Variants in RHOG observed in about 807,000 individuals in gnomAD.
The protein encoded by RHOG is ras homolog family member G, also known as rho-related GTP-binding protein RhoG.
RHOG carries 1 observed loss-of-function variant against 12.3 expected under a neutral mutation model. That is an observed-to-expected ratio of 0.08 (90% CI 0.03 to 0.39). The LOEUF is 0.39. RHOG is among the 10% of genes least tolerant of loss of function. RHOG has a pLI of 0.99. For missense variants in RHOG, 114 were observed against 266.2 expected (o/e 0.43, Z 3.98); for synonymous variants, 129 against 116.0 (o/e 1.11, Z -0.72).
At chr11:3,831,413 A>AGTGTGT (rs57646737) in intron 1 of RHOG, among the ~76,000 whole-genome samples, 2,030 of 151,584 alleles carry the variant, frequency 0.013, 62 homozygotes, top group African/African-American at 0.047. Context: ...AATGAGAGAG[A>AGTGTGT]GTGTGTGTGT....
At chr11:3,834,788 G>A (rs533760403) in intron 1 of RHOG, among the ~76,000 whole-genome samples, 212 of 152,292 alleles carry the variant, frequency 1.4e-3, no homozygotes, top group Non-Finnish European at 2.3e-3. Flanking sequence ...TGGGGGAGGG[G>A]AGGAACGGAC....
chr11:3,838,201 A>T (rs1025878384), intron 1 of RHOG, among the ~76,000 whole-genome samples: 8 of 152,230 alleles, frequency 5.3e-5, no homozygotes. Flanking sequence ...CTTCAGCGGC[A>T]GCCTCCTAGG....
intron 1 of RHOG, among the ~76,000 whole-genome samples, chr11:3,828,832 G>C (rs559996219): frequency 2.6e-5 from 4 of 151,714 alleles, no homozygotes; most frequent in East Asian, 3.9e-4. Flanking sequence ...GTGTTGGCCA[G>C]GATGGTCTCG....
At chr11:3,829,597 A>C (rs1350363691) in intron 1 of RHOG, among the ~76,000 whole-genome samples, 2 of 151,850 alleles carry the variant, frequency 1.3e-5, no homozygotes, top group African/African-American at 4.8e-5. Flanking sequence ...GGCCATGTAC[A>C]CTCAGATTGC....
intron 1 of RHOG, among the ~76,000 whole-genome samples, chr11:3,835,449 G>A (rs2090150869): frequency 2.6e-5 from 4 of 152,086 alleles, no homozygotes; most frequent in South Asian, 4.1e-4. Flanking sequence ...AGGGTAGTCT[G>A]ACCTTCTGTT....
In RHOG at chr11:3,827,158, G is replaced by A. The variant is rs934486150; in HGVS notation, c.*405C>T. Reference sequence around the variant, plus strand: ...AGAAGGGAGAGAGCATCTTGGGGGCGCAATTCCAAGAGCAGCGAGGGCAGA... The same window carrying A: ...AGAAGGGAGAGAGCATCTTGGGGGCACAATTCCAAGAGCAGCGAGGGCAGA... On this transcript the variant is annotated 3_prime_UTR_variant, in exon 2 of 2. Coordinates refer to ENST00000351018, the MANE Select transcript of RHOG (RefSeq NM_001665.4). This position sits in a 1 kb window ranked among gnomAD's most constrained non-coding sequence, Gnocchi z 7.3. The A allele has an allele frequency of 3.5e-5, 7 of 202,780 alleles. No individual in the cohort carries two copies. Among genetic ancestry groups the A allele is most frequent in the Admixed American group, 2.1e-4 (4 of 19,026 alleles). 12.6% of individuals were successfully genotyped at this position (202,780 alleles called of 1,614,324 possible). A position where few individuals can be genotyped will look rare whatever the true frequency, so the allele number is the denominator to read the frequency against.
chr11:3,827,761 T>C lies in RHOG; in HGVS notation c.378A>G (p.Leu126=), dbSNP rs372329042. 27 of 1,613,750 alleles carry C rather than the reference T, an allele frequency of 1.7e-5. No homozygotes were observed. Among genetic ancestry groups the C allele is most frequent in the African/African-American group, 1.3e-4 (10 of 74,936 alleles). The change falls in exon 2 of 2, where the codon CTA becomes CTG. Residue 126 remains leucine, a synonymous_variant. Transcript: ENST00000351018. This position sits in a 1 kb window ranked among gnomAD's most constrained non-coding sequence, Gnocchi z 7.3. The stretch of plus-strand genomic sequence containing the variant: ...CCTGGCCCTGCTCCTTGAGGCGCCG[T>C]AGGGTGTCAGGCTGGGCTCTCAGGT... ...KKDLRAQPDT[L]RRLKEQGQAP... is the part of the protein sequence containing the mutation.
In RHOG at chr11:3,828,109, A is replaced by G. The variant is rs766457887; in HGVS notation, c.30T>C (p.Gly10=). The G allele has an allele frequency of 6.2e-7, 1 of 1,613,696 alleles. No homozygotes were observed. The highest frequency in any genetic ancestry group is 8.5e-7 in the Non-Finnish European group (1 of 1,179,720). Residue 10 remains glycine, a synonymous_variant, in exon 2 of 2, where the codon GGT becomes GGC. Coordinates refer to ENST00000351018, the MANE Select transcript of RHOG (RefSeq NM_001665.4). MQSIKCVVV[G]DGAVGKTCLL... is the part of the protein sequence containing the mutation. ...GGCACGTCTTGCCCACAGCCCCATC[A>G]CCCACCACCACGCACTTGATGCTCT... is the stretch of plus-strand genomic sequence containing the variant.
intron 1 of RHOG, among the ~76,000 whole-genome samples, chr11:3,833,289 TTTTG>T (rs969640370): frequency 1.3e-5 from 2 of 152,200 alleles, no homozygotes; most frequent in African/African-American, 2.4e-5. Flanking sequence ...TAATGCATCT[TTTTG>T]TTTGTTTGTA....
chr11:3,834,920 T>C (rs1185373683), intron 1 of RHOG, among the ~76,000 whole-genome samples: 2 of 152,124 alleles, frequency 1.3e-5, no homozygotes, highest in African/African-American at 4.8e-5. Context: ...CTACAATCCA[T>C]CTCTGGCCAT....
At chr11:3,840,684 G>C (rs1279846836) in intron 1 of RHOG, 1 of 152,472 alleles carries the variant, frequency 6.6e-6, no homozygotes, top group Non-Finnish European at 1.5e-5. Context: ...CAGCCGCCGG[G>C]AAGCCACCCT....
chr11:3,836,142 C>A (rs1325714631), intron 1 of RHOG, among the ~76,000 whole-genome samples: 1 of 151,474 alleles, frequency 6.6e-6, no homozygotes, highest in Non-Finnish European at 1.5e-5. Context: ...CACTTGAGAT[C>A]AGGAGTTCGA....
chr11:3,838,037 C>T (rs891101478), intron 1 of RHOG, among the ~76,000 whole-genome samples: 3 of 152,168 alleles, frequency 2.0e-5, no homozygotes, highest in Non-Finnish European at 4.4e-5. Flanking sequence ...GGGAGGTGGC[C>T]CAGGCTTTGT....
At chr11:3,834,766 C>G (rs1221945045) in intron 1 of RHOG, among the ~76,000 whole-genome samples, 2 of 152,112 alleles carry the variant, frequency 1.3e-5, no homozygotes, top group African/African-American at 4.8e-5. Context: ...GGGGAAGTGT[C>G]CCAACTGGGA....
intron 1 of RHOG, among the ~76,000 whole-genome samples, chr11:3,839,753 A>G (rs2090179770): frequency 6.6e-6 from 1 of 152,098 alleles, no homozygotes; most frequent in South Asian, 2.1e-4. Context: ...AAAGCTGGAG[A>G]TAAGTGGGTG....
chr11:3,833,541 G>A (rs1473214277), intron 1 of RHOG, among the ~76,000 whole-genome samples: 1 of 152,168 alleles, frequency 6.6e-6, no homozygotes, highest in Non-Finnish European at 1.5e-5. Context: ...AGGGATATTA[G>A]AGTTACGTAG....
At chr11:3,837,598 G>C (rs2090165225) in intron 1 of RHOG, among the ~76,000 whole-genome samples, 1 of 152,180 alleles carries the variant, frequency 6.6e-6, no homozygotes, top group Non-Finnish European at 1.5e-5. Context: ...CTAAAATAGA[G>C]CCAAGAGAAA....
In RHOG at chr11:3,827,727, T is replaced by C. The variant is rs1376645517; in HGVS notation, c.412A>G (p.Thr138Ala). The change falls in exon 2 of 2, where the codon ACA becomes GCA. Residue 138 changes from threonine to alanine, a missense_variant. This residue lies in a region of RHOG where 61 missense variants were observed against 101.4 expected (regional missense o/e 0.60). Transcript: ENST00000351018. This position sits in a 1 kb window ranked among gnomAD's most constrained non-coding sequence, Gnocchi z 7.3. ...RLKEQGQAPITPQQGQALAKQ... is the reference protein window; with the variant it reads ...RLKEQGQAPIAPQQGQALAKQ... ...GCCAGTGCCTGGCCCTGCTGCGGTG[T>C]GATGGGCGCCTGGCCCTGCTCCTTG... is the stretch of plus-strand genomic sequence containing the variant. 1 of 1,614,084 alleles carries C rather than the reference T, an allele frequency of 6.2e-7. No homozygotes were observed.
At chr11:3,830,372 A>C (rs771330913) in intron 1 of RHOG, among the ~76,000 whole-genome samples, 8 of 152,134 alleles carry the variant, frequency 5.3e-5, no homozygotes, top group Non-Finnish European at 1.2e-4. Context: ...ATATGAAATG[A>C]GGCCAGGCAC....
Sources: gnomAD v4.1 joint callset for allele counts (sites outside exome capture counted in the v4.1 genomes callset) on GRCh38, gnomAD v4.1.1 for gene constraint, gnomAD v4.1.1 regional missense constraint, Gnocchi (gnomAD v3.1) non-coding constraint, MANE v1.5 for transcripts, NCBI Gene and HGNC (gene_info 2026-07-23, HGNC 2026-07-21) for gene names.